Variants in SLC2A9 observed in about 807,000 individuals in gnomAD.
SLC2A9 encodes the protein solute carrier family 2 member 9, also known as solute carrier family 2, facilitated glucose transporter member 9.
SLC2A9 carries 39 observed loss-of-function variants against 50.6 expected under a neutral mutation model. The observed-to-expected ratio is 0.77, with a 90% CI of 0.60 to 1.01. The LOEUF (loss-of-function observed/expected upper bound fraction) is 1.01. SLC2A9 is among the 50% of genes least tolerant of loss of function. The pLI is 0.00. For synonymous variants in SLC2A9, 324 were observed against 276.9 expected, an observed-to-expected ratio of 1.17 and a Z score of -1.69; for missense variants, 686 against 677.6, an observed-to-expected ratio of 1.01 and a Z score of -0.14.
intron 5 of SLC2A9, among the ~76,000 whole-genome samples, chr4:9,944,430 A>G (rs1345569456): frequency 6.6e-6 from 1 of 152,220 alleles, no homozygotes; most frequent in East Asian, 1.9e-4. Flanking sequence ...TATCAAGTTT[A>G]TGGCATAGCC....
At chr4:9,912,323 G>A (rs984229539) in intron 7 of SLC2A9, among the ~76,000 whole-genome samples, 1 of 152,086 alleles carries the variant, frequency 6.6e-6, no homozygotes, top group African/African-American at 2.4e-5. Context: ...AAGAGCATCT[G>A]ACAGTGGCAC....
At chr4:10,039,260 A>C (rs1287537004) in intron 1 of SLC2A9, among the ~76,000 whole-genome samples, 4 of 152,180 alleles carry the variant, frequency 2.6e-5, no homozygotes, top group African/African-American at 9.6e-5. Context: ...TGCCCAGTGG[A>C]GCACCCTCAT....
intron 1 of SLC2A9, chr4:10,019,353 T>G (rs1763211633): frequency 1.9e-6 from 1 of 528,344 alleles, no homozygotes; most frequent in African/African-American, 1.9e-5. Context: ...TTTCAGCAGC[T>G]GCTCTGGGCA....
chr4:9,889,800 C>T (rs1481292689), intron 9 of SLC2A9, among the ~76,000 whole-genome samples: 1 of 152,202 alleles, frequency 6.6e-6, no homozygotes, highest in Non-Finnish European at 1.5e-5. Context: ...GTTGGAGGTA[C>T]TGAGGCAGTG....
chr4:9,990,055 G>T (rs762879563), intron 3 of SLC2A9, among the ~76,000 whole-genome samples: 5 of 152,046 alleles, frequency 3.3e-5, no homozygotes, highest in Non-Finnish European at 5.9e-5. Context: ...CTTGTCACAG[G>T]CCGAATGGCA....
At chr4:10,015,355 C>T (rs2109483739) in intron 2 of SLC2A9, among the ~76,000 whole-genome samples, 1 of 152,236 alleles carries the variant, frequency 6.6e-6, no homozygotes, top group Non-Finnish European at 1.5e-5. Context: ...TTCAGACAGA[C>T]CTGGGTTTGA....
downstream of SLC2A9, among the ~76,000 whole-genome samples, chr4:9,795,169 C>A (rs1720449865): frequency 1.3e-5 from 2 of 152,032 alleles, no homozygotes; most frequent in Admixed American, 1.3e-4. Flanking sequence ...CGCCCCCACA[C>A]TCAGCTAGCA....
chr4:9,785,533 C>T (rs1719106888), intron 3 of SLC2A9, among the ~76,000 whole-genome samples: 2 of 152,212 alleles, frequency 1.3e-5, no homozygotes, highest in South Asian at 2.1e-4. Flanking sequence ...ATATTCTGTT[C>T]TAAAGCAAGA....
chr4:9,916,310 C>T (rs888132430), intron 7 of SLC2A9, among the ~76,000 whole-genome samples: 9 of 152,320 alleles, frequency 5.9e-5, no homozygotes, highest in African/African-American at 1.2e-4. Flanking sequence ...AGTCCACCGC[C>T]GGTGAGCACC....
At chr4:9,898,901 C>G (rs1166560149) in intron 8 of SLC2A9, among the ~76,000 whole-genome samples, 1 of 152,118 alleles carries the variant, frequency 6.6e-6, no homozygotes, top group Non-Finnish European at 1.5e-5. Flanking sequence ...AGCCGTACTC[C>G]GTTGAGCAAC....
intron 10 of SLC2A9, among the ~76,000 whole-genome samples, chr4:9,853,193 AG>A (rs1436663593): frequency 6.6e-6 from 1 of 150,992 alleles, no homozygotes. Flanking sequence ...AAAAAAAAAA[AG>A]GCACAGAGTG....
chr4:9,777,282 C>A (rs552445494), downstream of SLC2A9, among the ~76,000 whole-genome samples: 95 of 143,842 alleles, frequency 6.6e-4, no homozygotes, highest in East Asian at 4.7e-3. Flanking sequence ...AGCTCCCTTG[C>A]CCCCGTCTCT....
At position 9,997,386 on chromosome 4, in the gene SLC2A9, T is replaced by C. The variant is rs564043328; in HGVS notation, c.250-445A>G. Among the ~76,000 whole-genome samples, 7 of 152,220 alleles carry C rather than the reference T, an allele frequency of 4.6e-5. No individual in the cohort carries two copies. The East Asian group carries it at 7.7e-4, about 17-fold the overall frequency. The stretch of plus-strand genomic sequence containing the variant: ...TCTCCAATTCTAGTGCACCGCAGCA[T>C]TGCTGTGGAGGTGTGTTAAAGGGCA... On this transcript the variant is annotated intron_variant, in intron 2 of 11. Transcript: ENST00000264784.
intron 5 of SLC2A9, among the ~76,000 whole-genome samples, chr4:9,967,438 T>G (rs1686114206): frequency 6.6e-6 from 1 of 152,156 alleles, no homozygotes. Context: ...TTAAAATTTC[T>G]TTCTAGATTT....
intron 8 of SLC2A9, among the ~76,000 whole-genome samples, chr4:9,899,194 T>C (rs564660644): frequency 2.8e-4 from 43 of 152,276 alleles, no homozygotes; most frequent in African/African-American, 5.8e-4. Flanking sequence ...TCCTGACATG[T>C]TGGAATGGAG....
chr4:9,966,632 A>AT (rs1235653683), intron 5 of SLC2A9, among the ~76,000 whole-genome samples: 2 of 152,200 alleles, frequency 1.3e-5, no homozygotes, highest in Non-Finnish European at 2.9e-5. Flanking sequence ...AGCCTTGGCG[A>AT]TGGAGTAAGA....
chr4:9,851,305 G>T (rs1335868948), intron 10 of SLC2A9, among the ~76,000 whole-genome samples: 1 of 152,186 alleles, frequency 6.6e-6, no homozygotes, highest in Non-Finnish European at 1.5e-5. Flanking sequence ...ACCCAGGAGT[G>T]CTGAGCTGAG....
chr4:9,834,259 A>G (rs897476389), intron 11 of SLC2A9, among the ~76,000 whole-genome samples: 1 of 152,230 alleles, frequency 6.6e-6, no homozygotes, highest in Non-Finnish European at 1.5e-5. Flanking sequence ...GTTCAGCTCC[A>G]GAACCAGGAA....
intron 3 of SLC2A9, among the ~76,000 whole-genome samples, chr4:9,996,482 G>A (rs1046860826): frequency 9.9e-5 from 15 of 152,222 alleles, no homozygotes; most frequent in African/African-American, 3.1e-4. Context: ...GCAGGATGGA[G>A]GGTGGGAGGA....
Sources: allele counts gnomAD v4.1 joint callset (sites outside exome capture counted in the v4.1 genomes callset), GRCh38; gene constraint gnomAD v4.1.1; transcripts MANE v1.5; gene names NCBI Gene and HGNC (gene_info 2026-07-23, HGNC 2026-07-21).